Variants in EYS observed in about 807,000 individuals in gnomAD.
The protein encoded by EYS is protein eyes shut homolog.
Under a neutral mutation model 282.1 loss-of-function variants are expected in EYS, and 250 were observed. The ratio of observed to expected loss-of-function variants is 0.89; its 90% confidence interval spans 0.80 to 0.98. The LOEUF is 0.98. Ranked by LOEUF, EYS falls within the 50% of genes least tolerant of loss-of-function variation. EYS has a pLI of 0.00. For missense variants in EYS, 4,016 were observed against 3,709.0 expected (o/e 1.08, Z -2.15); for synonymous variants, 1,355 against 1,282.9 (o/e 1.06, Z -1.20).
intron 12 of EYS, among the ~76,000 whole-genome samples, chr6:65,254,800 A>G (rs1267785402): frequency 6.6e-6 from 1 of 151,912 alleles, no homozygotes; most frequent in East Asian, 1.9e-4. Flanking sequence ...ATTTAAAATG[A>G]TACACAAAAG....
At chr6:63,845,643 G>C (rs1286087988) in intron 36 of EYS, among the ~76,000 whole-genome samples, 5 of 152,026 alleles carry the variant, frequency 3.3e-5, no homozygotes, top group Admixed American at 6.6e-5. Context: ...TGTTCTTAAA[G>C]AAGCTGCTTC....
At chr6:64,404,399 G>C (rs564236309) in intron 28 of EYS, among the ~76,000 whole-genome samples, 3 of 141,706 alleles carry the variant, frequency 2.1e-5, no homozygotes, top group African/African-American at 8.9e-5. Context: ...GTGTGTGTGT[G>C]TGTGTGTGTG....
At chr6:64,892,061 C>G (rs1318090232) in intron 18 of EYS, among the ~76,000 whole-genome samples, 1 of 151,682 alleles carries the variant, frequency 6.6e-6, no homozygotes, top group Non-Finnish European at 1.5e-5. Context: ...GAAGAAAATT[C>G]AACATATTAA....
At chr6:65,516,091 G>A (rs1285486304) in intron 2 of EYS, among the ~76,000 whole-genome samples, 5 of 151,138 alleles carry the variant, frequency 3.3e-5, no homozygotes, top group South Asian at 2.1e-4. Context: ...AAGAAAAGAA[G>A]GAAGGAAAGA....
intron 34 of EYS, among the ~76,000 whole-genome samples, chr6:63,994,571 A>T (rs1235391818): frequency 1.3e-5 from 2 of 151,878 alleles, no homozygotes; most frequent in East Asian, 1.9e-4. Flanking sequence ...TATTGACTAT[A>T]ATAACAAAAG....
chr6:64,205,311 AT>A (rs1267592828), intron 31 of EYS, among the ~76,000 whole-genome samples: 3 of 152,114 alleles, frequency 2.0e-5, no homozygotes, highest in Admixed American at 1.3e-4. Flanking sequence ...CAGTTTTTAA[AT>A]TATAATTGGG....
chr6:64,908,318 G>C (rs1767891990), intron 16 of EYS, among the ~76,000 whole-genome samples: 1 of 152,148 alleles, frequency 6.6e-6, no homozygotes, highest in African/African-American at 2.4e-5. Flanking sequence ...CGGGAACATG[G>C]TGGAACCCAG....
intron 35 of EYS, among the ~76,000 whole-genome samples, chr6:63,885,541 G>A (rs1773242005): frequency 6.6e-6 from 1 of 152,142 alleles, no homozygotes; most frequent in African/African-American, 2.4e-5. Flanking sequence ...TTAGGCACAG[G>A]TTTGCTAAGG....
chr6:64,466,522 C>T (rs1276934415), intron 26 of EYS, among the ~76,000 whole-genome samples: 1 of 152,072 alleles, frequency 6.6e-6, no homozygotes, highest in Non-Finnish European at 1.5e-5. Flanking sequence ...ACGACATGAT[C>T]TTACTTACAT....
chr6:64,395,928 A>G (rs1251016425), intron 28 of EYS, among the ~76,000 whole-genome samples: 1 of 152,106 alleles, frequency 6.6e-6, no homozygotes, highest in Non-Finnish European at 1.5e-5. Flanking sequence ...GAATTATGGC[A>G]TACATAATAA....
chr6:65,566,331 T>C (rs1194706565), intron 2 of EYS, among the ~76,000 whole-genome samples: 1 of 151,398 alleles, frequency 6.6e-6, no homozygotes, highest in Non-Finnish European at 1.5e-5. Flanking sequence ...GGCAAGTCAC[T>C]GAGCATGCGG....
At chr6:63,813,179 C>T (rs148223974) in intron 36 of EYS, among the ~76,000 whole-genome samples, 244 of 152,098 alleles carry the variant, frequency 1.6e-3, no homozygotes, top group Middle Eastern at 3.4e-3. Context: ...GGGGTTTCAC[C>T]GTGTTGCCCA....
Position 65,351,243 on chromosome 6 carries a change from G to A in EYS, c.1459+2215C>T, listed in dbSNP as rs1764264526. ...CACACTGTTTCTTTTCCATTGGAAA[G>A]CCCAAGTCATTTAGATTCTCAGATG... is the stretch of plus-strand genomic sequence containing the variant. On this transcript the variant is annotated intron_variant, in intron 9 of 42. Transcript: ENST00000503581. Among the ~76,000 whole-genome samples the A allele has an allele frequency of 4.6e-5, 7 of 151,630 alleles. No homozygotes were observed. In the South Asian group the frequency reaches 1.5e-3, roughly 31 times the overall value.
At chr6:64,634,207 C>T (rs1427166926) in intron 22 of EYS, among the ~76,000 whole-genome samples, 1 of 152,182 alleles carries the variant, frequency 6.6e-6, no homozygotes, top group Non-Finnish European at 1.5e-5. Context: ...TGATCTCGAT[C>T]TCTTCACCTC....
At chr6:64,512,092 T>C (rs1334934580) in intron 26 of EYS, among the ~76,000 whole-genome samples, 2 of 152,098 alleles carry the variant, frequency 1.3e-5, no homozygotes, top group East Asian at 3.9e-4. Flanking sequence ...CATGTGTATA[T>C]ATACACATTT....
At chr6:63,909,079 A>AT (rs1252974745) in intron 35 of EYS, among the ~76,000 whole-genome samples, 2 of 152,198 alleles carry the variant, frequency 1.3e-5, no homozygotes, top group African/African-American at 4.8e-5. Flanking sequence ...GAAAAGGCCC[A>AT]TAGAGCCAGG....
intron 22 of EYS, among the ~76,000 whole-genome samples, chr6:64,687,387 G>A (rs79332472): frequency 0.029 from 4,344 of 152,156 alleles, 127 homozygotes; most frequent in East Asian, 0.15. Flanking sequence ...TTGTTTAAAA[G>A]TCATGCATCA....
At chr6:65,478,943 C>A (rs558160334) in intron 5 of EYS, among the ~76,000 whole-genome samples, 1 of 151,964 alleles carries the variant, frequency 6.6e-6, no homozygotes, top group South Asian at 2.1e-4. Flanking sequence ...ACGAACAAAA[C>A]CAGGCAAAAA....
chr6:65,696,484 T>C (rs187800267), intron 1 of EYS, among the ~76,000 whole-genome samples: 40 of 152,144 alleles, frequency 2.6e-4, no homozygotes, highest in Non-Finnish European at 4.9e-4. Context: ...GTGTGGTTGT[T>C]CTTAACGGTA....
Sources: allele counts gnomAD v4.1 joint callset (sites outside exome capture counted in the v4.1 genomes callset), GRCh38; gene constraint gnomAD v4.1.1; transcripts MANE v1.5; gene names NCBI Gene and HGNC (gene_info 2026-07-23, HGNC 2026-07-21).